The following CAST variants were observed in gnomAD, a reference collection of about 807,000 sequenced individuals.
CAST encodes the protein calpastatin, also known as MIR583 host.
In CAST, 76 loss-of-function variants were observed where a neutral mutation model predicts 119.6. The observed-to-expected ratio is 0.64, with a 90% CI of 0.53 to 0.77. The LOEUF (loss-of-function observed/expected upper bound fraction) is 0.77, where lower values mean the gene tolerates loss of function less well. Among genes scored for constraint, CAST ranks in the 30% least tolerant of loss-of-function variants. The pLI is 0.00. For synonymous variants in CAST, 319 were observed against 331.6 expected, an observed-to-expected ratio of 0.96 and a Z score of 0.41; for missense variants, 953 against 946.5, an observed-to-expected ratio of 1.01 and a Z score of -0.09.
the CAST span, among the ~76,000 whole-genome samples, chr5:96,340,379 A>G: frequency 5.5e-5 from 7 of 126,708 alleles, no homozygotes; most frequent in African/African-American, 2.1e-4. Flanking sequence ...CCTCCCCACC[A>G]TGGTTAACTT....
the CAST span, among the ~76,000 whole-genome samples, chr5:96,350,826 G>T: frequency 3.9e-5 from 6 of 152,260 alleles, no homozygotes; most frequent in South Asian, 1.2e-3. Context: ...CTAGGGAAGA[G>T]GAATAGAACA....
chr5:96,220,065 A>T, the CAST span, among the ~76,000 whole-genome samples: 1 of 152,148 alleles, frequency 6.6e-6, no homozygotes, highest in Non-Finnish European at 1.5e-5. Flanking sequence ...GAGACTGAAA[A>T]TGCTAAATAC....
chr5:96,062,650 G>C, the CAST span, among the ~76,000 whole-genome samples: 3 of 151,900 alleles, frequency 2.0e-5, no homozygotes, highest in South Asian at 2.1e-4. Flanking sequence ...TGAAAAGAAG[G>C]GGTCACCATC....
the CAST span, among the ~76,000 whole-genome samples, chr5:96,368,090 C>T: frequency 1.3e-5 from 2 of 152,068 alleles, no homozygotes; most frequent in Non-Finnish European, 1.5e-5. Flanking sequence ...ATAACTGAAC[C>T]TTATAGTATC....
intron 1 of CAST, among the ~76,000 whole-genome samples, chr5:96,669,798 G>A (rs1268338172): frequency 1.3e-5 from 2 of 152,134 alleles, no homozygotes; most frequent in Admixed American, 6.5e-5. Context: ...TTTGAGGAGC[G>A]GAAACTTCCG....
chr5:96,532,763 T>C (rs1292948862), intron 1 of CAST, among the ~76,000 whole-genome samples: 1 of 152,076 alleles, frequency 6.6e-6, no homozygotes, highest in African/African-American at 2.4e-5. Context: ...AGCAGGAGAA[T>C]CACTTGAACC....
the CAST span, among the ~76,000 whole-genome samples, chr5:96,251,707 A>C: frequency 6.6e-6 from 1 of 152,132 alleles, no homozygotes; most frequent in Non-Finnish European, 1.5e-5. Flanking sequence ...GTTGATAGCC[A>C]GATGTCAGTG....
chr5:96,211,196 A>G, the CAST span, among the ~76,000 whole-genome samples: 1 of 152,008 alleles, frequency 6.6e-6, no homozygotes, highest in African/African-American at 2.4e-5. Flanking sequence ...ACTTCCAGTA[A>G]TATGGGTGAG....
At chr5:96,695,546 T>C (rs1753184066) in intron 2 of CAST, among the ~76,000 whole-genome samples, 1 of 152,202 alleles carries the variant, frequency 6.6e-6, no homozygotes. Context: ...ACTGTAAGGG[T>C]GAGTGAAGTT....
At chr5:96,373,166 C>T in the CAST span, among the ~76,000 whole-genome samples, 1 of 152,190 alleles carries the variant, frequency 6.6e-6, no homozygotes, top group African/African-American at 2.4e-5. Context: ...GATTACATTA[C>T]ATGCCTTTTT....
At chr5:95,994,694 C>T in the CAST span, among the ~76,000 whole-genome samples, 1 of 151,778 alleles carries the variant, frequency 6.6e-6, no homozygotes, top group Non-Finnish European at 1.5e-5. Context: ...GAAGATGAAC[C>T]AAATAATAAA....
the CAST span, among the ~76,000 whole-genome samples, chr5:96,469,899 T>G: frequency 7.8e-6 from 1 of 128,120 alleles, no homozygotes; most frequent in African/African-American, 2.7e-5. Flanking sequence ...TACACACACA[T>G]ATATATAATG....
At chr5:96,213,702 A>C in the CAST span, 1 of 152,094 alleles carries the variant, frequency 6.6e-6, no homozygotes, top group Non-Finnish European at 1.5e-5. Flanking sequence ...AACGTGGGGG[A>C]ATCTCTTGAA....
chr5:96,657,481 A>G (rs2150206050), upstream of CAST, among the ~76,000 whole-genome samples: 1 of 152,328 alleles, frequency 6.6e-6, no homozygotes, highest in South Asian at 2.1e-4. Flanking sequence ...GTTAGGATAT[A>G]TAGAAAGGAA....
intron 1 of CAST, among the ~76,000 whole-genome samples, chr5:96,654,027 C>CTT (rs71617134): frequency 0.014 from 1,720 of 126,948 alleles, 40 homozygotes; most frequent in African/African-American, 0.049. Context: ...CTTTTCTTTT[C>CTT]TTTTTTTTTT....
the CAST span, among the ~76,000 whole-genome samples, chr5:96,471,772 G>GTA: frequency 1.5e-5 from 2 of 130,564 alleles, no homozygotes; most frequent in African/African-American, 6.1e-5. Flanking sequence ...GTCTGTGTGT[G>GTA]TGTGTGTGTG....
chr5:96,627,436 A>T (rs1376537967), intron 1 of CAST, among the ~76,000 whole-genome samples: 6 of 152,204 alleles, frequency 3.9e-5, no homozygotes, highest in Non-Finnish European at 8.8e-5. Context: ...TTTTATTTTC[A>T]TAAATAATGG....
At chr5:96,682,014 T>C (rs1450187412) in intron 2 of CAST, among the ~76,000 whole-genome samples, 1 of 152,200 alleles carries the variant, frequency 6.6e-6, no homozygotes, top group Non-Finnish European at 1.5e-5. Flanking sequence ...ATTGCTATAA[T>C]TGTTATATTT....
chr5:96,551,184 A>G (rs1343520689), intron 1 of CAST, among the ~76,000 whole-genome samples: 1 of 152,260 alleles, frequency 6.6e-6, no homozygotes, highest in South Asian at 2.1e-4. Context: ...GGTGTTACCC[A>G]CAAAGGGAAG....
Sources: gnomAD v4.1 joint callset for allele counts (sites outside exome capture counted in the v4.1 genomes callset) on GRCh38, gnomAD v4.1.1 for gene constraint, MANE v1.5 for transcripts, NCBI Gene and HGNC (gene_info 2026-07-23, HGNC 2026-07-21) for gene names.